SYNRG: variants seen among roughly 807,000 people sequenced by gnomAD.
The protein encoded by SYNRG is synergin gamma.
A neutral mutation model predicts 130.9 loss-of-function variants in SYNRG; 37 were observed. The ratio of observed to expected loss-of-function variants is 0.28; its 90% CI spans 0.22 to 0.37. The LOEUF is 0.37. SYNRG is among the 10% of genes least tolerant of loss of function. SYNRG has a pLI of 1.00. For missense variants in SYNRG, 1,338 were observed against 1,588.9 expected, an observed-to-expected ratio of 0.84 and a Z score of 2.68; for synonymous variants, 539 against 568.1, an observed-to-expected ratio of 0.95 and a Z score of 0.73.
rs370053143 is a variant in SYNRG, at chr17:37,553,778, T to C, written c.1945A>G (p.Thr649Ala). The change falls in exon 14 of 22, where the codon ACA becomes GCA. Residue 649 changes from threonine to alanine, a missense_variant. Thr to Ala is a moderately conservative substitution (Grantham distance 58). Coordinates refer to ENST00000612223, the MANE Select transcript of SYNRG (RefSeq NM_007247.6). Reference protein sequence around the residue: ...TSKSVSTPQSTGSAATMTALA... With the variant: ...TSKSVSTPQSAGSAATMTALA... Reference sequence around the variant, plus strand: ...GCTGTCATAGTAGCAGCAGAACCTGTTGACTGTGGTGTAGAAACTGATTTT... The same window carrying C: ...GCTGTCATAGTAGCAGCAGAACCTGCTGACTGTGGTGTAGAAACTGATTTT... 3.1e-6 allele frequency: 5 copies of C among 1,612,192 alleles called. No individual in the cohort carries two copies. Among genetic ancestry groups the C allele is most frequent in the Non-Finnish European group, 3.4e-6 (4 of 1,179,686 alleles).
chr17:37,576,173 C>G (rs1278243295), intron 8 of SYNRG, among the ~76,000 whole-genome samples, 168 bp downstream of exon 8: 1 of 152,076 alleles, frequency 6.6e-6, no homozygotes, highest in Non-Finnish European at 1.5e-5. Context: ...ATGAGGCAGT[C>G]TTATGAAACA....
At chr17:37,538,097 T>C (rs2057383932) in intron 18 of SYNRG, among the ~76,000 whole-genome samples, 1 of 152,228 alleles carries the variant, frequency 6.6e-6, no homozygotes, top group South Asian at 2.1e-4. Context: ...TAATTTTACA[T>C]TTTTGCTATT....
chr17:37,539,722 G>T (rs1287566025), intron 16 of SYNRG, among the ~76,000 whole-genome samples: 2 of 152,196 alleles, frequency 1.3e-5, no homozygotes, highest in Non-Finnish European at 2.9e-5. Flanking sequence ...ACTAATAAAT[G>T]TAACTTCTGA....
At chr17:37,560,014 C>T (rs1658611205) in intron 13 of SYNRG, among the ~76,000 whole-genome samples, 1 of 152,128 alleles carries the variant, frequency 6.6e-6, no homozygotes, top group Non-Finnish European at 1.5e-5. Flanking sequence ...CCTCCCACCT[C>T]AGCCTCTGGA....
intron 10 of SYNRG, 54 bp from the exon 11 acceptor site, chr17:37,568,978 A>G: frequency 6.4e-7 from 1 of 1,557,288 alleles, no homozygotes; most frequent in Non-Finnish European, 8.7e-7. Context: ...AAATAAATAC[A>G]CAACAAATCA....
At chr17:37,534,571 CAT>C (rs1386185620) in intron 19 of SYNRG, among the ~76,000 whole-genome samples, 6 of 151,908 alleles carry the variant, frequency 3.9e-5, no homozygotes, top group Non-Finnish European at 7.4e-5. Flanking sequence ...ACCAAGTAAA[CAT>C]AATTTTATCT....
chr17:37,577,028 C>A (rs1332028163), intron 7 of SYNRG, among the ~76,000 whole-genome samples: 1 of 152,072 alleles, frequency 6.6e-6, no homozygotes, highest in Admixed American at 6.6e-5. Context: ...TCATTGGTGA[C>A]TTTTCCAGTT....
At chr17:37,529,007 AC>A (rs1177104635) in intron 19 of SYNRG, among the ~76,000 whole-genome samples, 3 of 152,250 alleles carry the variant, frequency 2.0e-5, no homozygotes, top group African/African-American at 7.2e-5. Flanking sequence ...AATTTACAAT[AC>A]ATTCCTGTGT....
intron 14 of SYNRG, among the ~76,000 whole-genome samples, chr17:37,549,654 G>A (rs919858867): frequency 6.6e-6 from 1 of 152,084 alleles, no homozygotes; most frequent in African/African-American, 2.4e-5. Context: ...GCAGTGATGT[G>A]ATCACAGCTC....
At chr17:37,524,016 A>G (rs2055502615) in intron 19 of SYNRG, among the ~76,000 whole-genome samples, 2 of 152,198 alleles carry the variant, frequency 1.3e-5, no homozygotes, top group Admixed American at 1.3e-4. Flanking sequence ...GGGGCTCGAG[A>G]CTGCACAGGC....
In SYNRG at chr17:37,540,547, G is replaced by A. The variant is rs2144816863; in HGVS notation, c.3203-4C>T. On this transcript the variant is annotated splice_polypyrimidine_tract_variant and splice_region_variant and intron_variant, in intron 15 of 21. Coordinates refer to ENST00000612223, the MANE Select transcript of SYNRG (RefSeq NM_007247.6). ...CTCAAACTCCTCTTGTGTGATCCTG[G>A]GAGAAGGGGATAATACAGTCAAAGG... 6.2e-7 allele frequency: 1 copy of A among 1,613,704 alleles called. No individual in the cohort carries two copies. Among genetic ancestry groups the A allele is most frequent in the Non-Finnish European group, 8.5e-7 (1 of 1,179,902 alleles).
chr17:37,553,253 C>T lies in SYNRG; in HGVS notation c.2470G>A (p.Gly824Ser). 6.2e-7 allele frequency: 1 copy of T among 1,613,914 alleles called. No individual in the cohort carries two copies. The highest frequency in any genetic ancestry group is 1.1e-5 in the South Asian group (1 of 91,062). ...DLPSIGGSSV[G>S]KEDSEDALSV... Reference sequence around the variant, plus strand: ...AGTGCATCTTCAGAGTCCTCCTTGCCAACACTGCTGCCACCAATGGAAGGG... The same window carrying T: ...AGTGCATCTTCAGAGTCCTCCTTGCTAACACTGCTGCCACCAATGGAAGGG... Residue 824 changes from glycine (G) to serine (S), a missense_variant, in exon 14 of 22, where the codon GGC becomes AGC. Physicochemically the swap from Gly to Ser is moderately conservative, Grantham distance 56. Transcript: ENST00000612223.
At chr17:37,571,083 T>C (rs1305386512) in intron 9 of SYNRG, among the ~76,000 whole-genome samples, 198 bp from the exon 10 acceptor site, 1 of 152,198 alleles carries the variant, frequency 6.6e-6, no homozygotes, top group East Asian at 1.9e-4. Flanking sequence ...GGCCAACACA[T>C]ATCAGTTCTG....
At chr17:37,556,295 C>A (rs2059116042) in intron 13 of SYNRG, among the ~76,000 whole-genome samples, 2 of 151,574 alleles carry the variant, frequency 1.3e-5, no homozygotes, top group East Asian at 1.9e-4. Context: ...ACTAAAAATA[C>A]AAAAAATTAG....
chr17:37,597,769 T>C (rs1028114460), intron 2 of SYNRG, among the ~76,000 whole-genome samples: 4 of 152,218 alleles, frequency 2.6e-5, no homozygotes, highest in African/African-American at 9.6e-5. Flanking sequence ...CTAGGCATAG[T>C]TCTATGTGCT....
rs2054540441 is a variant in SYNRG at position 37,517,794 on chromosome 17, GTTC to G, written c.*1143_*1145del. ...GAGAGACGTGTGCCCTAGATTGGTA[GTTC>G]TTCCCAGGAATAACACAGCTCTTAG... On this transcript the variant is annotated 3_prime_UTR_variant, in exon 22 of 22. Coordinates refer to ENST00000612223, the MANE Select transcript of SYNRG (RefSeq NM_007247.6). 6.6e-6 allele frequency: 1 copy of G among 151,854 alleles called. No homozygotes were observed. Among genetic ancestry groups the G allele is most frequent in the Non-Finnish European group, 1.5e-5 (1 of 67,994 alleles). The allele number at this position is 151,854 out of a possible 1,614,324, so 9.4% of individuals were successfully genotyped here.
In SYNRG at chr17:37,576,324, T is replaced by G. The variant is rs748290732; in HGVS notation, c.901+17A>C. The stretch of plus-strand genomic sequence containing the variant: ...AAAATATCCAGATGGGAATCCTGGG[T>G]AAAGAAGCTTTTTTACCTGGAACCA... On this transcript the variant is annotated intron_variant, in intron 8 of 21. Transcript: ENST00000612223. 9 of 1,612,096 alleles carry G rather than the reference T, an allele frequency of 5.6e-6. No individual in the cohort carries two copies. The highest frequency in any genetic ancestry group is 1.3e-5 in the African/African-American group (1 of 74,442).
intron 13 of SYNRG, 96 bp from the exon 14 acceptor site, chr17:37,554,155 T>TACGGCGACCACCGAGA: frequency 1.8e-6 from 2 of 1,108,088 alleles, no homozygotes; most frequent in Admixed American, 2.9e-5. Context: ...TTACTGACTT[T>TACGGCGACCACCGAGA]TCTCCACTGA....
At chr17:37,548,999 T>C (rs1342593441) in intron 14 of SYNRG, among the ~76,000 whole-genome samples, 2 of 146,532 alleles carry the variant, frequency 1.4e-5, no homozygotes, top group Admixed American at 6.8e-5. Flanking sequence ...GCTGGGTGTG[T>C]TGGCATGTGC....
Sources: allele counts gnomAD v4.1 joint callset (sites outside exome capture counted in the v4.1 genomes callset), GRCh38; gene constraint gnomAD v4.1.1; transcripts MANE v1.5; gene names NCBI Gene and HGNC (gene_info 2026-07-23, HGNC 2026-07-21).